LINGO2: variants seen among roughly 807,000 people sequenced by gnomAD.
The protein encoded by LINGO2 is leucine-rich repeat and immunoglobulin-like domain-containing nogo receptor-interacting protein 2.
Under a neutral mutation model 30.6 loss-of-function variants are expected in LINGO2, and 14 were observed. The observed-to-expected ratio is 0.46, with a 90% CI of 0.30 to 0.72. LINGO2 has a LOEUF of 0.72. LINGO2 is among the 30% of genes least tolerant of loss of function. LINGO2 has a pLI of 0.07. For synonymous variants in LINGO2, 317 were observed against 288.5 expected, an observed-to-expected ratio of 1.10 and a Z score of -1.00; for missense variants, 729 against 751.7, an observed-to-expected ratio of 0.97 and a Z score of 0.35.
At chr9:28,099,470 C>CT (rs1005641887) in intron 4 of LINGO2, among the ~76,000 whole-genome samples, 1 of 152,016 alleles carries the variant, frequency 6.6e-6, no homozygotes, top group African/African-American at 2.4e-5. Flanking sequence ...CATCTTCTCC[C>CT]TTTTTTCCTA....
chr9:28,953,305 G>C, the LINGO2 span, among the ~76,000 whole-genome samples: 9 of 152,192 alleles, frequency 5.9e-5, no homozygotes, highest in South Asian at 1.0e-3. Flanking sequence ...TCTTATATCA[G>C]TGCTCAAACG....
chr9:28,538,240 A>G (rs980281141), intron 1 of LINGO2, among the ~76,000 whole-genome samples: 2 of 152,010 alleles, frequency 1.3e-5, no homozygotes, highest in Admixed American at 6.6e-5. Context: ...AAAACAATAT[A>G]AAATAAAATA....
chr9:28,304,767 G>A (rs897878854), intron 3 of LINGO2, among the ~76,000 whole-genome samples: 3 of 151,902 alleles, frequency 2.0e-5, no homozygotes, highest in African/African-American at 7.3e-5. Context: ...CAAATTAATA[G>A]AAAACCTACT....
At chr9:28,802,658 C>T in the LINGO2 span, among the ~76,000 whole-genome samples, 2 of 151,922 alleles carry the variant, frequency 1.3e-5, no homozygotes, top group Admixed American at 1.3e-4. Context: ...CACCAGCCAA[C>T]TTAACTTGAG....
At chr9:28,135,890 T>C (rs1448956000) in intron 4 of LINGO2, among the ~76,000 whole-genome samples, 2 of 152,168 alleles carry the variant, frequency 1.3e-5, no homozygotes, top group Non-Finnish European at 2.9e-5. Flanking sequence ...ACTATCTCAT[T>C]ATTTATATTG....
At chr9:27,942,862 C>T in the LINGO2 span, 15 of 149,694 alleles carry the variant, frequency 1.0e-4, no homozygotes, top group Admixed American at 2.7e-4. Flanking sequence ...TATTCTATAC[C>T]ACATGGAAAA....
intron 4 of LINGO2, among the ~76,000 whole-genome samples, chr9:28,168,415 T>A (rs1005929597): frequency 6.6e-6 from 1 of 152,160 alleles, no homozygotes; most frequent in Admixed American, 6.5e-5. Flanking sequence ...ATCTAGAAAC[T>A]AGAAAAAATT....
the LINGO2 span, among the ~76,000 whole-genome samples, chr9:29,019,328 C>A: frequency 6.6e-6 from 1 of 152,246 alleles, no homozygotes; most frequent in East Asian, 1.9e-4. Context: ...TGCAGCCACA[C>A]ATATGTTATA....
chr9:28,173,102 T>C (rs374365927), intron 4 of LINGO2, among the ~76,000 whole-genome samples: 12 of 152,310 alleles, frequency 7.9e-5, no homozygotes, highest in African/African-American at 2.9e-4. Context: ...TCTCATTGAT[T>C]GTAGTTTTAA....
At chr9:28,422,991 A>G (rs1162885214) in intron 2 of LINGO2, among the ~76,000 whole-genome samples, 3 of 152,086 alleles carry the variant, frequency 2.0e-5, no homozygotes, top group African/African-American at 7.2e-5. Flanking sequence ...TCATAGAGAC[A>G]GAAAGAATGA....
At chr9:28,847,600 A>G in the LINGO2 span, among the ~76,000 whole-genome samples, 6 of 146,482 alleles carry the variant, frequency 4.1e-5, 1 homozygote, top group Non-Finnish European at 6.0e-5. Context: ...CAAGAGTCAC[A>G]TGTCAAGACT....
chr9:29,058,685 A>T, the LINGO2 span, among the ~76,000 whole-genome samples: 1 of 151,992 alleles, frequency 6.6e-6, no homozygotes, highest in African/African-American at 2.4e-5. Context: ...AATAAAGACA[A>T]AACTAAAAAG....
chr9:28,196,066 T>C (rs190191567), intron 4 of LINGO2, among the ~76,000 whole-genome samples: 1 of 151,788 alleles, frequency 6.6e-6, no homozygotes, highest in Non-Finnish European at 1.5e-5. Flanking sequence ...CTGATGCAGA[T>C]AAGTGTGTGA....
chr9:28,031,542 G>A (rs1823671915), intron 4 of LINGO2, among the ~76,000 whole-genome samples: 1 of 152,066 alleles, frequency 6.6e-6, no homozygotes, highest in Non-Finnish European at 1.5e-5. Flanking sequence ...AGGAATCTAG[G>A]ATCTGCCACT....
At chr9:28,584,391 C>T (rs535761083) in intron 1 of LINGO2, among the ~76,000 whole-genome samples, 5 of 152,080 alleles carry the variant, frequency 3.3e-5, no homozygotes, top group Non-Finnish European at 4.4e-5. Flanking sequence ...AACAAAAATG[C>T]CCCCCAAATT....
the LINGO2 span, among the ~76,000 whole-genome samples, chr9:28,909,321 C>A: frequency 6.6e-6 from 1 of 151,810 alleles, no homozygotes; most frequent in Admixed American, 6.6e-5. Context: ...CAGCATAAGT[C>A]AAATCAACAT....
At chr9:28,026,084 A>T (rs536851863) in intron 4 of LINGO2, among the ~76,000 whole-genome samples, 1 of 152,196 alleles carries the variant, frequency 6.6e-6, no homozygotes, top group Non-Finnish European at 1.5e-5. Context: ...TTGCTTCTCT[A>T]CAACTGTTTG....
At chr9:28,519,014 T>C (rs1587796368) in intron 1 of LINGO2, among the ~76,000 whole-genome samples, 1 of 152,106 alleles carries the variant, frequency 6.6e-6, no homozygotes, top group East Asian at 1.9e-4. Flanking sequence ...TTTAAATGTT[T>C]GGTTTGTTGT....
chr9:28,779,354 C>T, the LINGO2 span, among the ~76,000 whole-genome samples: 745 of 152,246 alleles, frequency 4.9e-3, 3 homozygotes, highest in African/African-American at 0.017. Context: ...CTCCCACCTG[C>T]TCTGGTATGG....
Sources: gnomAD v4.1 joint callset for allele counts (sites outside exome capture counted in the v4.1 genomes callset) on GRCh38, gnomAD v4.1.1 for gene constraint, MANE v1.5 for transcripts, NCBI Gene and HGNC (gene_info 2026-07-23, HGNC 2026-07-21) for gene names.